NKAIN3: variants seen among roughly 807,000 people sequenced by gnomAD.
NKAIN3 encodes the protein sodium/potassium transporting ATPase interacting 3.
Under a neutral mutation model 30.2 loss-of-function variants are expected in NKAIN3, and 25 were observed. The observed-to-expected ratio is 0.83, with a 90% confidence interval of 0.60 to 1.16. The LOEUF is 1.16. Among genes scored for constraint, NKAIN3 ranks in the 50% most tolerant of loss-of-function variants. The pLI is 0.00. For synonymous variants in NKAIN3, 91 were observed against 89.6 expected, an observed-to-expected ratio of 1.02 and a Z score of -0.09; for missense variants, 225 against 254.1, an observed-to-expected ratio of 0.89 and a Z score of 0.78.
At chr8:62,266,808 C>T (rs1812621415) in intron 1 of NKAIN3, among the ~76,000 whole-genome samples, 1 of 152,188 alleles carries the variant, frequency 6.6e-6, no homozygotes, top group South Asian at 2.1e-4. Context: ...TCAAAGGTTA[C>T]CACCCCTTTT....
chr8:62,400,397 C>A (rs1817901477), intron 1 of NKAIN3, among the ~76,000 whole-genome samples: 1 of 152,024 alleles, frequency 6.6e-6, no homozygotes, highest in Admixed American at 6.5e-5. Context: ...GTCTCGAACT[C>A]CTGATCTCAA....
intron 4 of NKAIN3, among the ~76,000 whole-genome samples, chr8:62,795,708 G>A (rs1031110305): frequency 6.6e-6 from 1 of 151,980 alleles, no homozygotes; most frequent in African/African-American, 2.4e-5. Context: ...CATTATGAAT[G>A]TTCAAAATTA....
intron 4 of NKAIN3, among the ~76,000 whole-genome samples, chr8:62,802,422 T>C (rs201372973): frequency 6.6e-6 from 1 of 152,206 alleles, no homozygotes; most frequent in East Asian, 1.9e-4. Context: ...GTGGATCTCT[T>C]GGCAGAAACT....
chr8:62,333,410 T>A (rs1235413310), intron 1 of NKAIN3, among the ~76,000 whole-genome samples: 1 of 152,104 alleles, frequency 6.6e-6, no homozygotes, highest in Non-Finnish European at 1.5e-5. Context: ...AAATATGACA[T>A]GCATTTTTAA....
At chr8:62,770,617 C>T (rs1816979854) in intron 4 of NKAIN3, among the ~76,000 whole-genome samples, 1 of 152,146 alleles carries the variant, frequency 6.6e-6, no homozygotes, top group East Asian at 1.9e-4. Context: ...ATCACATTGG[C>T]GGTTAGGATT....
At chr8:62,283,353 G>A (rs1475446613) in intron 1 of NKAIN3, among the ~76,000 whole-genome samples, 4 of 152,018 alleles carry the variant, frequency 2.6e-5, no homozygotes, top group Non-Finnish European at 1.5e-5. Flanking sequence ...TCCTTGAAGT[G>A]GTTGTGGAGA....
rs993447091 is a variant in NKAIN3 at position 62,759,444 on chromosome 8, T to A, written c.471+12315T>A. Among the ~76,000 whole-genome samples the A allele has an allele frequency of 5.9e-5, 9 of 151,464 alleles. No individual in the cohort carries two copies. In the Admixed American group the frequency reaches 5.9e-4, roughly 10 times the overall value. ...ATTATGTAGCAGTTGCAGACTATAT[T>A]TCAGGGAAGATTTAGAGTCAGAACA... is the stretch of plus-strand genomic sequence containing the variant. On this transcript the variant is annotated intron_variant, in intron 4 of 6. Coordinates refer to ENST00000623646, the MANE Select transcript of NKAIN3 (RefSeq NM_001304533.3).
chr8:62,769,444 G>A (rs1257828306), intron 4 of NKAIN3, among the ~76,000 whole-genome samples: 1 of 152,188 alleles, frequency 6.6e-6, no homozygotes, highest in Non-Finnish European at 1.5e-5. Context: ...ACAAATTGGA[G>A]TTCTGTCTAT....
At chr8:62,984,926 A>G (rs1256089880), downstream of NKAIN3, 5 of 152,182 alleles carry the variant, frequency 3.3e-5, no homozygotes, top group Non-Finnish European at 7.3e-5. Context: ...TTTTTAATAC[A>G]TTTTCTCACT....
intron 1 of NKAIN3, among the ~76,000 whole-genome samples, chr8:62,413,155 CA>C (rs1804315510): frequency 6.6e-6 from 1 of 152,102 alleles, no homozygotes; most frequent in Admixed American, 6.6e-5. Flanking sequence ...AGATGCTGGC[CA>C]GGCTGTAGAT....
chr8:62,306,536 T>TTGTGTGTGTGTG lies in NKAIN3; in HGVS notation c.54+57439_54+57450dup, dbSNP rs10552182. On this transcript the variant is annotated intron_variant, in intron 1 of 6. Transcript: ENST00000623646. ...CAATGCCTAGAAGGCTTTGAAGGCTTTGTGTGTGTGTGTGTGTGTGTGTGT... is the reference window on the plus strand; with the variant it reads ...CAATGCCTAGAAGGCTTTGAAGGCTTTGTGTGTGTGTGTGTGTGTGTGTGTGTGTGTGTGTGT... Among the ~76,000 whole-genome samples, 82 of 136,068 alleles carry TTGTGTGTGTGTG rather than the reference T, an allele frequency of 6.0e-4. 1 individual carries two copies. Among genetic ancestry groups the TTGTGTGTGTGTG allele is most frequent in the African/African-American group, 2.4e-3 (77 of 32,490 alleles). The allele number at this position is 136,068 out of a possible 152,430, so 89.3% of individuals were successfully genotyped here.
chr8:62,340,647 GA>G (rs1225013962), intron 1 of NKAIN3, among the ~76,000 whole-genome samples: 3 of 151,978 alleles, frequency 2.0e-5, no homozygotes, highest in Non-Finnish European at 4.4e-5. Context: ...ATAGTGGATG[GA>G]AAATTCAGAA....
At chr8:62,431,546 G>T (rs889400494) in intron 1 of NKAIN3, among the ~76,000 whole-genome samples, 4 of 151,676 alleles carry the variant, frequency 2.6e-5, no homozygotes, top group African/African-American at 7.3e-5. Context: ...GGAATGATGT[G>T]GAAATTCATG....
At chr8:62,249,722 T>C (rs970646354) in intron 1 of NKAIN3, among the ~76,000 whole-genome samples, 1 of 152,174 alleles carries the variant, frequency 6.6e-6, no homozygotes, top group South Asian at 2.1e-4. Context: ...CAGTTCCGCT[T>C]TGGATTTTGT....
chr8:62,563,699 A>C (rs1461636241), intron 1 of NKAIN3, among the ~76,000 whole-genome samples: 1 of 152,192 alleles, frequency 6.6e-6, no homozygotes, highest in Admixed American at 6.6e-5. Context: ...CAGTGATTAA[A>C]ATAATCTCTC....
chr8:62,707,414 G>T (rs2130484186), intron 3 of NKAIN3, among the ~76,000 whole-genome samples: 1 of 152,050 alleles, frequency 6.6e-6, no homozygotes. Flanking sequence ...TTTTGATTAT[G>T]GCCATTCTTG....
chr8:62,556,931 A>G (rs774620202), intron 1 of NKAIN3, among the ~76,000 whole-genome samples: 33 of 152,074 alleles, frequency 2.2e-4, no homozygotes, highest in African/African-American at 5.1e-4. Flanking sequence ...GTTGCAAAAT[A>G]TACTTTTAAA....
intron 4 of NKAIN3, chr8:62,855,629 A>G (rs1820039242): frequency 6.2e-7 from 1 of 1,603,840 alleles, no homozygotes. Flanking sequence ...CATCAAATCC[A>G]AGGCCAAGGC....
intron 1 of NKAIN3, among the ~76,000 whole-genome samples, chr8:62,426,126 C>T (rs879045305): frequency 1.1e-4 from 17 of 151,826 alleles, no homozygotes; most frequent in African/African-American, 9.7e-5. Flanking sequence ...AAGTCAATAG[C>T]GGTTCAAGTC....
Sources: gnomAD v4.1 joint callset for allele counts (sites outside exome capture counted in the v4.1 genomes callset) on GRCh38, gnomAD v4.1.1 for gene constraint, MANE v1.5 for transcripts, NCBI Gene and HGNC (gene_info 2026-07-23, HGNC 2026-07-21) for gene names.